The following ACSF3 variants were observed in gnomAD, a reference collection of about 807,000 sequenced individuals.
ACSF3 encodes the protein acyl-CoA synthetase family member 3.
Under a neutral mutation model 53.2 loss-of-function variants are expected in ACSF3, and 78 were observed. That is an observed-to-expected ratio of 1.47 (90% CI 1.22 to 1.77). The LOEUF is 1.77. Among genes scored for constraint, ACSF3 ranks in the 40% most tolerant of loss-of-function variants. The pLI, the probability that ACSF3 is intolerant of heterozygous loss-of-function variation, is 0.00. For missense variants in ACSF3, 937 were observed against 771.1 expected, an observed-to-expected ratio of 1.22 and a Z score of -2.55; for synonymous variants, 414 against 333.1, an observed-to-expected ratio of 1.24 and a Z score of -2.65.
At chr16:89,095,884 A>G (rs1974554023) in intron 1 of ACSF3, among the ~76,000 whole-genome samples, 1 of 152,170 alleles carries the variant, frequency 6.6e-6, no homozygotes, top group South Asian at 2.1e-4. Flanking sequence ...AATGAGGACA[A>G]AGGCAGCAGC....
At position 89,101,264 on chromosome 16, in the gene ACSF3, A is replaced by T. The variant is rs1366314967; in HGVS notation, c.583A>T (p.Lys195Ter). 1 of 1,601,684 alleles carries T rather than the reference A, an allele frequency of 6.2e-7. No individual in the cohort carries two copies. The highest frequency in any genetic ancestry group is 2.3e-5 in the East Asian group (1 of 44,408). Residue 195 changes from lysine (K) to a stop codon, truncating the protein, a stop_gained, in exon 3 of 11, where the codon AAG becomes TAG. Coordinates refer to ENST00000614302, the MANE Select transcript of ACSF3 (RefSeq NM_001243279.3). LOFTEE classifies it high-confidence loss of function. ...VPVPEQGWRN[K>*]GAMIIYTSGT... The stretch of plus-strand genomic sequence containing the variant: ...GGTCCCAGAGCAGGGATGGAGGAAC[A>T]AGGGCGCCATGATCATCTACACCAG...
chr16:89,137,146 G>A (rs1193905242), intron 8 of ACSF3, among the ~76,000 whole-genome samples: 1 of 152,240 alleles, frequency 6.6e-6, no homozygotes. Flanking sequence ...GGGCAGGGCG[G>A]CATCCCTGCA....
intron 6 of ACSF3, among the ~76,000 whole-genome samples, chr16:89,116,975 C>T (rs1010388302): frequency 3.9e-5 from 6 of 152,214 alleles, no homozygotes; most frequent in African/African-American, 1.4e-4. Flanking sequence ...CTGTCCTTAT[C>T]GTTGTCCTTC....
chr16:89,099,669 C>G (rs1215990384), intron 2 of ACSF3, among the ~76,000 whole-genome samples: 1 of 152,030 alleles, frequency 6.6e-6, no homozygotes, highest in Non-Finnish European at 1.5e-5. Flanking sequence ...ATAATCCCAG[C>G]TAGTCAGGAG....
Position 89,100,767 on chromosome 16 carries a change from G to T in ACSF3, c.86G>T (p.Ser29Ile). 1 of 1,609,582 alleles carries T rather than the reference G, an allele frequency of 6.2e-7. No individual in the cohort carries two copies. ...CTGGCGCCTGCGAGACACAGAGGAA[G>T]TGGTCTTCTGCACACAGCCCCAGTG... ...CRLAPARHRG[S>I]GLLHTAPVAR... Residue 29 changes from serine to isoleucine, a missense_variant, in exon 3 of 11, where the codon AGT (serine) becomes ATT (isoleucine). Transcript: ENST00000614302.
intron 10 of ACSF3, 133 bp from the exon 11 acceptor site, chr16:89,153,956 TG>T: frequency 2.3e-6 from 2 of 868,286 alleles, no homozygotes; most frequent in Non-Finnish European, 3.7e-6. Context: ...TGCACCTGCC[TG>T]GCCTCAGGAT....
At chr16:89,145,716 C>G (rs1441983090) in intron 9 of ACSF3, among the ~76,000 whole-genome samples, 1 of 152,204 alleles carries the variant, frequency 6.6e-6, no homozygotes, top group Non-Finnish European at 1.5e-5. Flanking sequence ...AGGCAGAGCC[C>G]CTGTGAGTGC....
intron 2 of ACSF3, among the ~76,000 whole-genome samples, chr16:89,099,048 G>C (rs935913577): frequency 6.6e-6 from 1 of 152,278 alleles, no homozygotes; most frequent in Non-Finnish European, 1.5e-5. Flanking sequence ...CCCCAGGAAG[G>C]GAGGCAGACC....
intron 8 of ACSF3, among the ~76,000 whole-genome samples, chr16:89,144,655 G>T (rs979050467): frequency 5.3e-5 from 8 of 152,242 alleles, no homozygotes; most frequent in African/African-American, 1.9e-4. Context: ...CCCTCTCCCA[G>T]AGCAGCCTGC....
At chr16:89,106,108 C>T (rs1975948969) in intron 4 of ACSF3, among the ~76,000 whole-genome samples, 1 of 152,198 alleles carries the variant, frequency 6.6e-6, no homozygotes. Context: ...CCAGGGATTT[C>T]TGCTCCGAGA....
Position 89,154,639 on chromosome 16 carries a change from G to A in ACSF3, c.*432G>A, listed in dbSNP as rs1914521544. ...TGCCTGTGCCTCACCCAGAGCCAGT[G>A]TCTCCCGGCCCACATAGGAGGTCTG... On this transcript the variant is annotated 3_prime_UTR_variant, in exon 11 of 11. Transcript: ENST00000614302. 1 of 454,508 alleles carries A rather than the reference G, an allele frequency of 2.2e-6. No individual in the cohort carries two copies. The highest frequency in any genetic ancestry group is 2.0e-5 in the African/African-American group (1 of 50,034). 28.2% of individuals were successfully genotyped at this position (454,508 alleles called of 1,614,324 possible). A position where few individuals can be genotyped will look rare whatever the true frequency, so the allele number is the denominator to read the frequency against.
chr16:89,142,305 C>G (rs1282282186), intron 8 of ACSF3, among the ~76,000 whole-genome samples: 1 of 152,154 alleles, frequency 6.6e-6, no homozygotes, highest in South Asian at 2.1e-4. Context: ...GGCAGCCAGG[C>G]CCAGGCAGGG....
intron 10 of ACSF3, chr16:89,150,711 C>T (rs117928581): frequency 0.062 from 19,578 of 317,482 alleles, 1,987 homozygotes; most frequent in East Asian, 0.35. Flanking sequence ...ACCAGCCATG[C>T]GGTCACAGCC....
At chr16:89,106,467 T>C (rs1393963857) in intron 4 of ACSF3, among the ~76,000 whole-genome samples, 3 of 152,120 alleles carry the variant, frequency 2.0e-5, no homozygotes, top group Non-Finnish European at 4.4e-5. Flanking sequence ...TAATTTTTTG[T>C]ATTTTTAGTA....
In ACSF3 at chr16:89,096,869, C is replaced by G. The variant is rs139462448; in HGVS notation, c.-193-1722C>G. Among the ~76,000 whole-genome samples the G allele has an allele frequency of 3.1e-3, 479 of 152,328 alleles. 1 individual carries two copies. The highest frequency in any genetic ancestry group is 0.011 in the African/African-American group (452 of 41,562). The stretch of plus-strand genomic sequence containing the variant: ...GGCTCTCTGGGAGCTGGGACCATGT[C>G]ACACGGGGCCAGTCACATCTGTCAC... On this transcript the variant is annotated intron_variant, in intron 1 of 10. Coordinates refer to ENST00000614302, the MANE Select transcript of ACSF3 (RefSeq NM_001243279.3).
intron 4 of ACSF3, among the ~76,000 whole-genome samples, chr16:89,103,237 C>T (rs1975579388): frequency 1.3e-5 from 2 of 152,234 alleles, no homozygotes; most frequent in African/African-American, 2.4e-5. Context: ...CTGCTGCCCG[C>T]GAGCTCCTGC....
chr16:89,103,900 T>A (rs1731966869), intron 4 of ACSF3, among the ~76,000 whole-genome samples: 1 of 152,190 alleles, frequency 6.6e-6, no homozygotes, highest in South Asian at 2.1e-4. Context: ...CAGCCTTGCC[T>A]GTGCAGGGCT....
chr16:89,116,283 C>T (rs1310308287), intron 6 of ACSF3, among the ~76,000 whole-genome samples: 1 of 152,184 alleles, frequency 6.6e-6, no homozygotes, highest in Non-Finnish European at 1.5e-5. Flanking sequence ...CTGCTCTGTC[C>T]CATTGCTTTC....
In ACSF3 at chr16:89,145,832, C is replaced by A. The variant is rs552049137; in HGVS notation, c.1502-106C>A. 9.0e-6 allele frequency: 9 copies of A among 1,002,740 alleles called. No homozygotes were observed. The East Asian group carries it at 2.1e-4, about 24-fold the overall frequency. 62.1% of individuals were successfully genotyped at this position (1,002,740 alleles called of 1,614,324 possible). A position where few individuals can be genotyped will look rare whatever the true frequency, so the allele number is the denominator to read the frequency against. ...AGTGGGGCCTGTCCAAGGACGGGCT[C>A]CAGGGCTGCGGCCAGACTGCGCTCT... On this transcript the variant is annotated intron_variant, in intron 9 of 10. Coordinates refer to ENST00000614302, the MANE Select transcript of ACSF3 (RefSeq NM_001243279.3).
Sources: allele counts gnomAD v4.1 joint callset (sites outside exome capture counted in the v4.1 genomes callset), GRCh38; gene constraint gnomAD v4.1.1; transcripts MANE v1.5; gene names NCBI Gene and HGNC (gene_info 2026-07-23, HGNC 2026-07-21).